Variants in KNDC1 observed in about 807,000 individuals in gnomAD.
KNDC1 encodes the protein kinase non-catalytic C-lobe domain-containing protein 1.
A neutral mutation model predicts 172.8 loss-of-function variants in KNDC1; 106 were observed. The observed-to-expected ratio is 0.61, with a 90% CI of 0.52 to 0.72. The LOEUF is 0.72. Ranked by LOEUF, KNDC1 falls within the 30% of genes least tolerant of loss-of-function variation. The pLI is 0.00. For synonymous variants in KNDC1, 1,083 were observed against 1,062.2 expected (o/e 1.02, Z -0.38); for missense variants, 2,325 against 2,394.5 (o/e 0.97, Z 0.61).
At chr10:133,214,182 GCAGC>G in intron 26 of KNDC1, 60 bp downstream of exon 26, 1 of 1,583,082 alleles carries the variant, frequency 6.3e-7, no homozygotes, top group Non-Finnish European at 8.6e-7. Flanking sequence ...CGCGGGGGTG[GCAGC>G]GCCTCCTATA....
intron 5 of KNDC1, 138 bp downstream of exon 5, chr10:133,184,127 C>G (rs1853810525): frequency 2.0e-6 from 1 of 500,986 alleles, no homozygotes; most frequent in Non-Finnish European, 3.6e-6. Flanking sequence ...CACACCCATG[C>G]ACACACATGC....
Position 133,210,723 on chromosome 10 carries a change from A to G in KNDC1, c.3907A>G (p.Arg1303Gly). 6.2e-7 allele frequency: 1 copy of G among 1,610,614 alleles called. No individual in the cohort carries two copies. The highest frequency in any genetic ancestry group is 8.5e-7 in the Non-Finnish European group (1 of 1,176,806). The change falls in exon 21 of 30, where the codon AGG (arginine) becomes GGG (glycine). Residue 1303 changes from arginine to glycine, a missense_variant and splice_region_variant. Transcript: ENST00000304613. ...LLDRINSTLT[R>G]AHQDPTSTFT... ...CGACCGCATCAACAGCACGCTGACCAGGTACCAAGCTCCACAGCTCCACGC... is the reference window on the plus strand; with the variant it reads ...CGACCGCATCAACAGCACGCTGACCGGGTACCAAGCTCCACAGCTCCACGC...
chr10:133,203,901 G>A (rs978967896), intron 17 of KNDC1, among the ~76,000 whole-genome samples: 5 of 152,228 alleles, frequency 3.3e-5, no homozygotes, highest in African/African-American at 7.2e-5. Flanking sequence ...GGAGGCCGTG[G>A]AGGTGCCGGC....
chr10:133,181,749 C>T lies in KNDC1; in HGVS notation c.361-1595C>T, dbSNP rs548061657. ...TGCAGCTGGGGAGAGAGAAGAGATG[C>T]GTGTCCAGCTGTCTGTGTGTGCTGG... On this transcript the variant is annotated intron_variant, in intron 3 of 29. Coordinates refer to ENST00000304613, the MANE Select transcript of KNDC1 (RefSeq NM_152643.8). Among the ~76,000 whole-genome samples the T allele has an allele frequency of 1.9e-4, 29 of 151,934 alleles. No homozygotes were observed. In the East Asian group the frequency reaches 5.4e-3, roughly 29 times the overall value.
At chr10:133,207,410 G>T (rs986904809) in intron 20 of KNDC1, 59 bp downstream of exon 20, 4 of 1,480,870 alleles carry the variant, frequency 2.7e-6, no homozygotes, top group South Asian at 1.2e-5. Flanking sequence ...GCTGAGAAGA[G>T]GGGGGGAACG....
chr10:133,183,967 C>G lies in KNDC1; in HGVS notation c.603C>G (p.Ile201Met), dbSNP rs757673809. The G allele has an allele frequency of 6.3e-7, 1 of 1,593,344 alleles. No individual in the cohort carries two copies. Among genetic ancestry groups the G allele is most frequent in the East Asian group, 2.3e-5 (1 of 44,372 alleles). Residue 201 changes from isoleucine (I) to methionine (M), a missense_variant, in exon 5 of 30, where the codon ATC (isoleucine) becomes ATG (methionine). By Grantham distance (10) the Ile-to-Met change is conservative. Coordinates refer to ENST00000304613, the MANE Select transcript of KNDC1 (RefSeq NM_152643.8). ...CTGTGGGGAGGAGGGTCCTCTCCAT[C>G]GAGTCCTTCGGAGCGCTGCAGGGTG... ...LSAVGRRVLS[I>M]ESFGALQDVS... is the part of the protein sequence containing the mutation.
chr10:133,169,853 G>C (rs2135950671), intron 3 of KNDC1, among the ~76,000 whole-genome samples: 1 of 152,356 alleles, frequency 6.6e-6, no homozygotes, highest in Non-Finnish European at 1.5e-5. Context: ...ATCCAGCTCA[G>C]ACCTGGACAT....
At chr10:133,181,720 A>G (rs1431614180) in intron 3 of KNDC1, among the ~76,000 whole-genome samples, 1 of 152,100 alleles carries the variant, frequency 6.6e-6, no homozygotes, top group Non-Finnish European at 1.5e-5. Context: ...GGATGCAGGC[A>G]GAGTGCAGCT....
intron 15 of KNDC1, 97 bp from the exon 16 acceptor site, chr10:133,200,277 TC>T: frequency 1.2e-6 from 1 of 869,330 alleles, no homozygotes; most frequent in Non-Finnish European, 1.7e-6. Flanking sequence ...CAGCGAGAGC[TC>T]CGCATAGACG....
At chr10:133,222,794 C>A (rs1845634205) in intron 29 of KNDC1, among the ~76,000 whole-genome samples, 1 of 10,410 alleles carries the variant, frequency 9.6e-5, no homozygotes, top group Non-Finnish European at 2.9e-4. Flanking sequence ...CAGGCATGCT[C>A]TTCCCAGTGT....
intron 9 of KNDC1, among the ~76,000 whole-genome samples, chr10:133,195,309 C>T (rs541390127): frequency 2.0e-5 from 3 of 152,300 alleles, no homozygotes; most frequent in East Asian, 1.9e-4. Flanking sequence ...GGGGGGCTCC[C>T]GGGTCCGTGA....
intron 1 of KNDC1, among the ~76,000 whole-genome samples, chr10:133,161,938 A>C (rs1852986506): frequency 6.6e-6 from 1 of 151,972 alleles, no homozygotes; most frequent in Non-Finnish European, 1.5e-5. Flanking sequence ...GCGCGAGCCC[A>C]CTTGGAGCCA....
chr10:133,197,645 C>G (rs767057328), intron 11 of KNDC1, 30 bp from the exon 12 acceptor site: 1 of 1,569,306 alleles, frequency 6.4e-7, no homozygotes, highest in Admixed American at 1.7e-5. Flanking sequence ...TCCGTGGTCA[C>G]CTGGCCCAGG....
intron 3 of KNDC1, among the ~76,000 whole-genome samples, chr10:133,180,472 G>A (rs1398662092): frequency 6.6e-6 from 1 of 152,276 alleles, no homozygotes; most frequent in Non-Finnish European, 1.5e-5. Context: ...GCCGGAGGGT[G>A]CCCTCCAAGT....
At position 133,198,327 on chromosome 10, in the gene KNDC1, G is replaced by T; in HGVS notation, c.1907-10G>T. On this transcript the variant is annotated splice_polypyrimidine_tract_variant and intron_variant, in intron 12 of 29. Transcript: ENST00000304613. Reference sequence around the variant, plus strand: ...CGCCCGCCCACACCCTCAGCCCCCTGGCTCCCCAGGCTTCCTGCCGGTGAA... The same window carrying T: ...CGCCCGCCCACACCCTCAGCCCCCTTGCTCCCCAGGCTTCCTGCCGGTGAA... 1 of 1,559,434 alleles carries T rather than the reference G, an allele frequency of 6.4e-7. No homozygotes were observed. Among genetic ancestry groups the T allele is most frequent in the Non-Finnish European group, 8.7e-7 (1 of 1,153,470 alleles).
intron 3 of KNDC1, among the ~76,000 whole-genome samples, chr10:133,177,855 G>A (rs1853592384): frequency 6.6e-6 from 1 of 151,750 alleles, no homozygotes; most frequent in African/African-American, 2.4e-5. Context: ...GTAGTGTGTT[G>A]TCATGGGCAC....
Position 133,211,533 on chromosome 10 carries a change from G to C in KNDC1, c.4020G>C (p.Gly1340=). ...CTGTGGACTTCCCTCGGAACAGCGGGCTGCTGGGGAAGCTAGAGGACTTCA... is the reference window on the plus strand; with the variant it reads ...CTGTGGACTTCCCTCGGAACAGCGGCCTGCTGGGGAAGCTAGAGGACTTCA... ...CYAVDFPRNS[G]LLGKLEDFIS... Residue 1340 remains glycine (G), a synonymous_variant, in exon 22 of 30, where the codon GGG becomes GGC. Coordinates refer to ENST00000304613, the MANE Select transcript of KNDC1 (RefSeq NM_152643.8). The C allele has an allele frequency of 1.2e-6, 2 of 1,614,006 alleles. No homozygotes were observed. Among genetic ancestry groups the C allele is most frequent in the South Asian group, 2.2e-5 (2 of 91,080 alleles).
At chr10:133,213,192 C>A (rs1229755965) in intron 24 of KNDC1, among the ~76,000 whole-genome samples, 1 of 152,228 alleles carries the variant, frequency 6.6e-6, no homozygotes, top group Non-Finnish European at 1.5e-5. Flanking sequence ...TCTGGCCTCA[C>A]AGGCACTAGA....
chr10:133,208,649 G>A (rs1379210884), intron 20 of KNDC1, among the ~76,000 whole-genome samples: 1 of 152,232 alleles, frequency 6.6e-6, no homozygotes, highest in Non-Finnish European at 1.5e-5. Context: ...ACTAGCCAGG[G>A]GTCCAGGCTG....
Sources: gnomAD v4.1 joint callset for allele counts (sites outside exome capture counted in the v4.1 genomes callset) on GRCh38, gnomAD v4.1.1 for gene constraint, MANE v1.5 for transcripts, NCBI Gene and HGNC (gene_info 2026-07-23, HGNC 2026-07-21) for gene names.